Variants in TEX52 observed in about 807,000 individuals in gnomAD.
TEX52 encodes the protein testis expressed 52.
A neutral mutation model predicts 17.6 loss-of-function variants in TEX52; 22 were observed. That is an observed-to-expected ratio of 1.25 (90% confidence interval 0.89 to 1.78). The LOEUF (loss-of-function observed/expected upper bound fraction) is 1.78. TEX52 is among the 40% of genes most tolerant of loss of function. The pLI is 0.00. For missense variants in TEX52, 396 were observed against 372.3 expected (o/e 1.06, Z -0.52); for synonymous variants, 168 against 147.4 (o/e 1.14, Z -1.01).
At chr12:2,850,651 T>TG (rs1272942944) in intron 2 of TEX52, among the ~76,000 whole-genome samples, 1 of 144,198 alleles carries the variant, frequency 6.9e-6, no homozygotes, top group African/African-American at 2.8e-5. Flanking sequence ...CCAGAGTCTT[T>TG]GTTTTTGTTT....
chr12:2,852,649 A>G (rs970536221), intron 2 of TEX52, among the ~76,000 whole-genome samples: 32 of 152,000 alleles, frequency 2.1e-4, no homozygotes, highest in African/African-American at 7.5e-4. Flanking sequence ...ACAGGCATGA[A>G]CCATCATACT....
At chr12:2,853,163 AG>A (rs1240333427) in intron 2 of TEX52, among the ~76,000 whole-genome samples, 1 of 152,184 alleles carries the variant, frequency 6.6e-6, no homozygotes, top group African/African-American at 2.4e-5. Context: ...CCCCTTTGCC[AG>A]GGTCAGCACC....
chr12:2,851,072 C>G (rs2098069341), intron 2 of TEX52, among the ~76,000 whole-genome samples: 1 of 136,120 alleles, frequency 7.3e-6, no homozygotes. Flanking sequence ...GAGGCTGAGC[C>G]AGGAGAATCG....
At position 2,856,955 on chromosome 12, in the gene TEX52, C is replaced by T. The variant is rs1216638446; in HGVS notation, c.72G>A (p.Gln24=). The part of the protein sequence containing the change: ...HPSHMEEPFL[Q]MVQASESLPP... ...GCGGCAGAGATGGGCCACCCCCTAC[C>T]TGCAGGAAAGGTTCTTCCATATGAG... Residue 24 remains glutamine, a splice_region_variant and synonymous_variant, in exon 1 of 3, where the codon CAG becomes CAA. Transcript: ENST00000637658. 1.4e-6 allele frequency: 1 copy of T among 703,052 alleles called. No individual in the cohort carries two copies. Among genetic ancestry groups the T allele is most frequent in the Non-Finnish European group, 2.6e-6 (1 of 385,004 alleles). The allele number at this position is 703,052 out of a possible 1,614,324, so 43.6% of individuals were successfully genotyped here.
rs114908198 is a variant in TEX52, at chr12:2,852,379, T to A, written c.623+2517A>T. 4.0e-3 allele frequency among the ~76,000 whole-genome samples: 606 copies of A among 152,174 alleles called. 5 individuals carry two copies. The highest frequency in any genetic ancestry group is 0.014 in the African/African-American group (586 of 41,522). On this transcript the variant is annotated intron_variant, in intron 2 of 2. Coordinates refer to ENST00000637658, the MANE Select transcript of TEX52 (RefSeq NM_001365174.2). Reference sequence around the variant, plus strand: ...CCTGCTGTGGGAACTGTTTTTTTTTTCTTTTGAGCTAGGGTCTCACCACGT... The same window carrying A: ...CCTGCTGTGGGAACTGTTTTTTTTTACTTTTGAGCTAGGGTCTCACCACGT...
At chr12:2,855,510 A>G in intron 1 of TEX52, 64 bp from the exon 2 acceptor site, 1 of 1,277,014 alleles carries the variant, frequency 7.8e-7, no homozygotes, top group Non-Finnish European at 1.0e-6. Context: ...AAGGTGGGTG[A>G]GGCACTCCGC....
chr12:2,848,894 CACA>C, downstream of TEX52: 3 of 333,248 alleles, frequency 9.0e-6, no homozygotes, highest in African/African-American at 6.5e-5. Flanking sequence ...CACACACACA[CACA>C]CACACACACA....
rs771270267 is a variant in TEX52, at chr12:2,855,265, C to T, written c.254G>A (p.Trp85Ter). Residue 85 changes from tryptophan to a stop codon, truncating the protein, a stop_gained, in exon 2 of 3, where the codon TGG (tryptophan) becomes TAG (stop). Coordinates refer to ENST00000637658, the MANE Select transcript of TEX52 (RefSeq NM_001365174.2). LOFTEE classifies it high-confidence loss of function. ...CCAGGTGTGCTGGGCGCCACCCTTC[C>T]AAGGGTGGATGAGCCGCTGACGCAC... ...SKVRQRLIHP[W>*]KGGAQHTWGF... 18 of 1,513,810 alleles carry T rather than the reference C, an allele frequency of 1.2e-5. No individual in the cohort carries two copies. The South Asian group carries it at 1.9e-4, about 16-fold the overall frequency. 93.8% of individuals were successfully genotyped at this position (1,513,810 alleles called of 1,614,324 possible). A position where few individuals can be genotyped will look rare whatever the true frequency, so the allele number is the denominator to read the frequency against.
At chr12:2,851,126 G>A (rs2098069590) in intron 2 of TEX52, among the ~76,000 whole-genome samples, 2 of 150,490 alleles carry the variant, frequency 1.3e-5, no homozygotes. Context: ...TCATACCATT[G>A]CACTCCAGCC....
chr12:2,849,538 G>C lies in TEX52; in HGVS notation c.624-13C>G. On this transcript the variant is annotated splice_polypyrimidine_tract_variant and intron_variant, in intron 2 of 2. Coordinates refer to ENST00000637658, the MANE Select transcript of TEX52 (RefSeq NM_001365174.2). ...TATGTGCCGGTACCTGTTGGGAGAA[G>C]GGTATGGAGAGAACAGAGAGATCAA... 6.5e-7 allele frequency: 1 copy of C among 1,535,968 alleles called. No individual in the cohort carries two copies. Among genetic ancestry groups the C allele is most frequent in the Non-Finnish European group, 8.7e-7 (1 of 1,146,826 alleles).
chr12:2,855,614 C>A (rs559978082), intron 1 of TEX52, among the ~76,000 whole-genome samples, 168 bp from the exon 2 acceptor site: 1 of 152,164 alleles, frequency 6.6e-6, no homozygotes, highest in Non-Finnish European at 1.5e-5. Flanking sequence ...TCCTTCCCGG[C>A]GGAAGTTATG....
downstream of TEX52, among the ~76,000 whole-genome samples, chr12:2,848,657 C>G (rs540382237): frequency 8.5e-5 from 13 of 152,280 alleles, no homozygotes; most frequent in South Asian, 2.7e-3. Flanking sequence ...CCTCCAAACC[C>G]TGCATGGGGC....
chr12:2,853,018 A>AC (rs201093503), intron 2 of TEX52, among the ~76,000 whole-genome samples: 64 of 151,074 alleles, frequency 4.2e-4, no homozygotes, highest in African/African-American at 1.4e-3. Flanking sequence ...AGAAACAACA[A>AC]AAAAAAACGG....
intron 2 of TEX52, among the ~76,000 whole-genome samples, chr12:2,854,317 G>T (rs371860665): frequency 6.6e-6 from 1 of 152,168 alleles, no homozygotes; most frequent in Non-Finnish European, 1.5e-5. Flanking sequence ...GAGCCACCAC[G>T]CCCTGCCATA....
intron 2 of TEX52, among the ~76,000 whole-genome samples, chr12:2,850,963 C>T (rs1028126758): frequency 6.7e-6 from 1 of 150,346 alleles, no homozygotes; most frequent in African/African-American, 2.4e-5. Flanking sequence ...TGAGCCAACA[C>T]ACCAGGCCCA....
Position 2,854,911 on chromosome 12 carries a change from G to A in TEX52, c.608C>T (p.Pro203Leu). The stretch of plus-strand genomic sequence containing the variant: ...ACCGTCTTACTTCTTGAAGCTCGCT[G>A]GCGGCTGGATGTTGCCCTGGGCATC... ...PLDAQGNIQPPASFKKYRHIS... is the reference protein window; with the variant it reads ...PLDAQGNIQPLASFKKYRHIS... Residue 203 changes from proline to leucine, a missense_variant, in exon 2 of 3, where the codon CCA becomes CTA. By Grantham distance (98) the Pro-to-Leu change is moderately conservative (BLOSUM62 -3). Transcript: ENST00000637658. 1 of 1,534,674 alleles carries A rather than the reference G, an allele frequency of 6.5e-7. No individual in the cohort carries two copies. Among genetic ancestry groups the A allele is most frequent in the Non-Finnish European group, 8.7e-7 (1 of 1,145,888 alleles).
downstream of TEX52, chr12:2,849,024 G>A (rs760808410): frequency 1.0e-4 from 61 of 600,666 alleles, no homozygotes; most frequent in Non-Finnish European, 1.5e-4. Context: ...GTCCTCCAAG[G>A]AAGAAATATA....
chr12:2,852,655 A>T (rs982172744), intron 2 of TEX52, among the ~76,000 whole-genome samples: 5 of 152,028 alleles, frequency 3.3e-5, no homozygotes, highest in Non-Finnish European at 7.4e-5. Flanking sequence ...ATGAACCATC[A>T]TACTCGGCTA....
In TEX52 at chr12:2,855,105, G is replaced by T; in HGVS notation, c.414C>A (p.Pro138=). 1.3e-6 allele frequency: 2 copies of T among 1,535,538 alleles called. No individual in the cohort carries two copies. The highest frequency in any genetic ancestry group is 1.7e-6 in the Non-Finnish European group (2 of 1,146,500). The change falls in exon 2 of 3, where the codon CCC becomes CCA. Residue 138 remains proline (P), a synonymous_variant. Transcript: ENST00000637658. ...GCCCCATCCAGGAGGGAGGGGGGAT[G>T]GGGTGCTCCGTGGGGGGGCATCTGT... is the stretch of plus-strand genomic sequence containing the variant. ...NAHRCPPTEH[P]IPPPSWMGQN...
Sources: allele counts gnomAD v4.1 joint callset (sites outside exome capture counted in the v4.1 genomes callset), GRCh38; gene constraint gnomAD v4.1.1; transcripts MANE v1.5; gene names NCBI Gene and HGNC (gene_info 2026-07-23, HGNC 2026-07-21).